The following FAM98B variants were observed in gnomAD, a reference collection of about 807,000 sequenced individuals.
The protein encoded by FAM98B is tRNA-splicing ligase complex subunit FAM98B.
FAM98B carries 32 observed loss-of-function variants against 43.9 expected under a neutral mutation model. The ratio of observed to expected loss-of-function variants is 0.73; its 90% CI spans 0.55 to 0.98. The LOEUF is 0.98. FAM98B is among the 50% of genes least tolerant of loss of function. FAM98B has a pLI of 0.00. For synonymous variants in FAM98B, 190 were observed against 174.0 expected, an observed-to-expected ratio of 1.09 and a Z score of -0.72; for missense variants, 514 against 522.9, an observed-to-expected ratio of 0.98 and a Z score of 0.17.
rs112669808 is a variant in FAM98B, at chr15:38,477,225, G to A, written c.729+2927G>A. On this transcript the variant is annotated intron_variant, in intron 6 of 7. Coordinates refer to ENST00000397609, the MANE Select transcript of FAM98B (RefSeq NM_173611.4). ...TTAATGTCAGGTTTTGGAGCTGGCC[G>A]ATGTGCTGTGGCAATTCTTAATGCC... Among the ~76,000 whole-genome samples the A allele has an allele frequency of 4.3e-3, 654 of 151,726 alleles. 19 individuals are homozygous for A. Among genetic ancestry groups the A allele is most frequent in the African/African-American group, 0.015 (633 of 41,332 alleles).
Position 38,467,464 on chromosome 15 carries a change from A to G in FAM98B, c.352+2061A>G, listed in dbSNP as rs540541897. On this transcript the variant is annotated intron_variant, in intron 3 of 7. Coordinates refer to ENST00000397609, the MANE Select transcript of FAM98B (RefSeq NM_173611.4). ...CATGACAAGATGCACAATATCACTT[A>G]TGACAGGATACCATTTTTCACTCAA... Among the ~76,000 whole-genome samples the G allele has an allele frequency of 7.3e-4, 111 of 152,314 alleles. 1 individual carries two copies. Among genetic ancestry groups the G allele is most frequent in the Admixed American group, 5.9e-4 (9 of 15,306 alleles).
chr15:38,457,892 T>G (rs1032339681), intron 1 of FAM98B, among the ~76,000 whole-genome samples: 1 of 151,940 alleles, frequency 6.6e-6, no homozygotes, highest in Non-Finnish European at 1.5e-5. Context: ...TCCTACTATC[T>G]GACCTTAAGG....
chr15:38,480,416 G>GT (rs1305370067), intron 6 of FAM98B, among the ~76,000 whole-genome samples: 1 of 151,960 alleles, frequency 6.6e-6, no homozygotes, highest in Non-Finnish European at 1.5e-5. Context: ...ATCAATCTAT[G>GT]TTTTTTTCTC....
chr15:38,472,844 G>A (rs902055533), intron 4 of FAM98B, among the ~76,000 whole-genome samples: 1 of 152,084 alleles, frequency 6.6e-6, no homozygotes, highest in Non-Finnish European at 1.5e-5. Context: ...TTTAGCTAAT[G>A]ATGGATTCTC....
chr15:38,461,704 G>A (rs1366213589), intron 1 of FAM98B, among the ~76,000 whole-genome samples: 1 of 152,054 alleles, frequency 6.6e-6, no homozygotes, highest in East Asian at 1.9e-4. Context: ...AAAAAGAAAT[G>A]CAAGTGGCCT....
chr15:38,483,390 G>C (rs1258157689), intron 7 of FAM98B: 1 of 152,056 alleles, frequency 6.6e-6, no homozygotes, highest in Non-Finnish European at 1.5e-5. Flanking sequence ...TTCTAGGCTG[G>C]GTGTGGTGGC....
intron 1 of FAM98B, among the ~76,000 whole-genome samples, chr15:38,454,448 C>A (rs536449682): frequency 6.6e-6 from 1 of 152,320 alleles, no homozygotes; most frequent in Admixed American, 6.5e-5. Flanking sequence ...GTTCGTGGCC[C>A]CCTCTTCGAA....
Position 38,484,928 on chromosome 15 carries a change from T to TA in FAM98B, c.*273dup. 1 of 365,570 alleles carries TA rather than the reference T, an allele frequency of 2.7e-6. No homozygotes were observed. Among genetic ancestry groups the TA allele is most frequent in the Non-Finnish European group, 4.7e-6 (1 of 214,904 alleles). 22.6% of individuals were successfully genotyped at this position (365,570 alleles called of 1,614,324 possible). ...AAAAAAAAGAACAAAAATTATTTTTTAAAATGTAAATATTTATTACCATCA... is the reference window on the plus strand; with the variant it reads ...AAAAAAAAGAACAAAAATTATTTTTTAAAAATGTAAATATTTATTACCATCA... On this transcript the variant is annotated 3_prime_UTR_variant, in exon 8 of 8. Transcript: ENST00000397609.
rs530709254 is a variant in FAM98B at position 38,480,268 on chromosome 15, T to C, written c.730-1024T>C. Among the ~76,000 whole-genome samples the C allele has an allele frequency of 2.6e-5, 4 of 152,324 alleles. No homozygotes were observed. The South Asian group carries it at 8.3e-4, about 32-fold the overall frequency. ...TATATGGTGTGCTGTATTATTGTTA[T>C]TATTACAGATAGCCACCAGGTCATT... On this transcript the variant is annotated intron_variant, in intron 6 of 7. Transcript: ENST00000397609.
intron 6 of FAM98B, among the ~76,000 whole-genome samples, chr15:38,480,333 G>T (rs907983393): frequency 1.3e-5 from 2 of 152,038 alleles, no homozygotes; most frequent in Non-Finnish European, 2.9e-5. Context: ...TTTTCTCGTT[G>T]ATCTGTGATG....
chr15:38,467,486 T>G (rs1210078584), intron 3 of FAM98B, among the ~76,000 whole-genome samples: 3 of 152,144 alleles, frequency 2.0e-5, no homozygotes, highest in Non-Finnish European at 4.4e-5. Flanking sequence ...CATTTTTCAC[T>G]CAAAAAATCA....
intron 1 of FAM98B, among the ~76,000 whole-genome samples, chr15:38,462,514 A>G (rs915697550): frequency 6.6e-6 from 1 of 152,234 alleles, no homozygotes; most frequent in Non-Finnish European, 1.5e-5. Flanking sequence ...GTTTTTCTGT[A>G]TATCCTTACA....
chr15:38,474,759 A>G (rs963914839), intron 6 of FAM98B, among the ~76,000 whole-genome samples: 2 of 152,166 alleles, frequency 1.3e-5, no homozygotes, highest in African/African-American at 4.8e-5. Context: ...ATAGCTTTCT[A>G]AAGAGCTGTC....
At chr15:38,460,370 G>A (rs975195082) in intron 1 of FAM98B, among the ~76,000 whole-genome samples, 1 of 143,790 alleles carries the variant, frequency 7.0e-6, no homozygotes, top group South Asian at 2.4e-4. Context: ...AATTTCTCAT[G>A]TACTGCAAGA....
In FAM98B at chr15:38,466,425, C is replaced by T. The variant is rs75625910; in HGVS notation, c.352+1022C>T. On this transcript the variant is annotated intron_variant, in intron 3 of 7. Transcript: ENST00000397609. ...GGACAGAAAGGAACCTAGGAAACAC[C>T]GGCTAGAGGAACTTGCATATCCTTA... Among the ~76,000 whole-genome samples the T allele has an allele frequency of 8.3e-3, 1,258 of 152,094 alleles. 17 individuals carry two copies. Among genetic ancestry groups the T allele is most frequent in the African/African-American group, 0.029 (1,198 of 41,468 alleles).
intron 1 of FAM98B, among the ~76,000 whole-genome samples, chr15:38,461,271 A>G (rs1208432775): frequency 2.0e-5 from 3 of 152,238 alleles, no homozygotes; most frequent in African/African-American, 7.2e-5. Context: ...ATTGTAAGAC[A>G]TAGAGGAAGG....
intron 6 of FAM98B, among the ~76,000 whole-genome samples, chr15:38,475,678 A>G (rs527337659): frequency 3.9e-5 from 6 of 152,226 alleles, no homozygotes; most frequent in African/African-American, 1.4e-4. Flanking sequence ...TTAGGCCCAC[A>G]CAGATAATAC....
intron 4 of FAM98B, among the ~76,000 whole-genome samples, chr15:38,471,165 C>T (rs1037834922): frequency 1.3e-5 from 2 of 152,004 alleles, no homozygotes; most frequent in African/African-American, 2.4e-5. Context: ...TTTTTAGACA[C>T]AGTGCCTTAA....
At chr15:38,461,159 A>C (rs1889940154) in intron 1 of FAM98B, among the ~76,000 whole-genome samples, 1 of 151,442 alleles carries the variant, frequency 6.6e-6, no homozygotes, top group Admixed American at 6.6e-5. Context: ...TTACATCAAT[A>C]TGAATTAAAT....
Sources: allele counts gnomAD v4.1 joint callset (sites outside exome capture counted in the v4.1 genomes callset), GRCh38; gene constraint gnomAD v4.1.1; transcripts MANE v1.5; gene names NCBI Gene and HGNC (gene_info 2026-07-23, HGNC 2026-07-21).